TAFA1: variants seen among roughly 807,000 people sequenced by gnomAD.
TAFA1 encodes chemokine-like protein TAFA-1.
Under a neutral mutation model 18.5 loss-of-function variants are expected in TAFA1, and 4 were observed. That is an observed-to-expected ratio of 0.22 (90% CI 0.11 to 0.49). TAFA1 has a LOEUF of 0.49. Ranked by LOEUF, TAFA1 falls within the 20% of genes least tolerant of loss-of-function variation. The pLI, the probability that TAFA1 is intolerant of heterozygous loss-of-function variation, is 0.98. For synonymous variants in TAFA1, 56 were observed against 55.2 expected (o/e 1.01, Z -0.06); for missense variants, 147 against 169.0 (o/e 0.87, Z 0.72).
chr3:68,223,900 A>G (rs1435313315), intron 2 of TAFA1, among the ~76,000 whole-genome samples: 1 of 151,882 alleles, frequency 6.6e-6, no homozygotes, highest in African/African-American at 2.4e-5. Context: ...ATGCAATGCT[A>G]TACAGCCATG....
intron 2 of TAFA1, among the ~76,000 whole-genome samples, chr3:68,079,196 T>C (rs77392913): frequency 6.6e-6 from 1 of 152,224 alleles, no homozygotes; most frequent in African/African-American, 2.4e-5. Context: ...ATTTGATTCT[T>C]CTCTCTTTTT....
chr3:68,191,433 T>C (rs934543253), intron 2 of TAFA1, among the ~76,000 whole-genome samples: 6 of 151,832 alleles, frequency 4.0e-5, no homozygotes, highest in African/African-American at 1.2e-4. Context: ...ATTATCTTCA[T>C]AGGTAAACTG....
At chr3:68,142,791 T>C (rs1346118522) in intron 2 of TAFA1, among the ~76,000 whole-genome samples, 1 of 152,194 alleles carries the variant, frequency 6.6e-6, no homozygotes, top group East Asian at 1.9e-4. Context: ...AGGCAGCTCA[T>C]TTCCATGGAG....
intron 3 of TAFA1, among the ~76,000 whole-genome samples, chr3:68,499,448 T>A (rs111915118): frequency 1.4e-4 from 13 of 89,850 alleles, no homozygotes; most frequent in Non-Finnish European, 3.2e-4. Context: ...GTTCCTTTCT[T>A]TTTTTTTTTT....
intron 2 of TAFA1, among the ~76,000 whole-genome samples, chr3:68,245,957 T>A (rs2067069353): frequency 6.6e-6 from 1 of 152,130 alleles, no homozygotes; most frequent in Admixed American, 6.5e-5. Context: ...GACACAGGCA[T>A]AGGTAATAAA....
At chr3:68,254,135 A>ATGTATGTATGTATGTATGTG (rs2067250280) in intron 2 of TAFA1, among the ~76,000 whole-genome samples, 1 of 137,478 alleles carries the variant, frequency 7.3e-6, no homozygotes, top group African/African-American at 2.8e-5. Context: ...GTATGTATGT[A>ATGTATGTATGTATGTATGTG]TCTATCTATC....
chr3:68,015,298 T>TA, intron 2 of TAFA1, among the ~76,000 whole-genome samples: 1 of 151,658 alleles, frequency 6.6e-6, no homozygotes, highest in South Asian at 2.1e-4. Flanking sequence ...TTTCCTTTTT[T>TA]TTTTTGAGAC....
intron 3 of TAFA1, among the ~76,000 whole-genome samples, chr3:68,453,440 G>A (rs2071600867): frequency 6.6e-6 from 1 of 152,194 alleles, no homozygotes; most frequent in Admixed American, 6.5e-5. Flanking sequence ...AAGTCTGGAG[G>A]CTTCTGGATG....
At chr3:68,133,144 T>C (rs918251012) in intron 2 of TAFA1, among the ~76,000 whole-genome samples, 7 of 152,194 alleles carry the variant, frequency 4.6e-5, no homozygotes, top group African/African-American at 1.7e-4. Flanking sequence ...CCTTGCTTGT[T>C]TTTGTCAGGT....
At chr3:68,453,340 A>G (rs1057332588) in intron 3 of TAFA1, among the ~76,000 whole-genome samples, 3 of 152,176 alleles carry the variant, frequency 2.0e-5, no homozygotes, top group Admixed American at 1.3e-4. Context: ...CAAAATGACA[A>G]AAATGGTGCA....
chr3:68,102,728 T>A (rs956727687), intron 2 of TAFA1, among the ~76,000 whole-genome samples: 3 of 152,226 alleles, frequency 2.0e-5, no homozygotes, highest in Non-Finnish European at 4.4e-5. Flanking sequence ...GGAGGCAAGT[T>A]ATATAACCTC....
intron 2 of TAFA1, among the ~76,000 whole-genome samples, chr3:68,077,005 T>C (rs1297474214): frequency 6.6e-6 from 1 of 152,158 alleles, no homozygotes; most frequent in Non-Finnish European, 1.5e-5. Flanking sequence ...CCATTCTCAC[T>C]GGTGTGAGAT....
At position 68,061,343 on chromosome 3, in the gene TAFA1, A is replaced by G. The variant is rs189358486; in HGVS notation, c.118+54599A>G. 5.0e-3 allele frequency among the ~76,000 whole-genome samples: 756 copies of G among 152,282 alleles called. 4 individuals are homozygous for G. Among genetic ancestry groups the G allele is most frequent in the Non-Finnish European group, 4.3e-3 (295 of 68,034 alleles). ...TTGATAAATTTCTCTGTTTGTATAAACTTCCCATTTCAGGAATTCTACATG... is the reference window on the plus strand; with the variant it reads ...TTGATAAATTTCTCTGTTTGTATAAGCTTCCCATTTCAGGAATTCTACATG... On this transcript the variant is annotated intron_variant, in intron 2 of 4. Coordinates refer to ENST00000478136, the MANE Select transcript of TAFA1 (RefSeq NM_213609.4).
intron 3 of TAFA1, among the ~76,000 whole-genome samples, chr3:68,533,254 C>A (rs2073217403): frequency 6.6e-6 from 1 of 152,000 alleles, no homozygotes; most frequent in South Asian, 2.1e-4. Flanking sequence ...AGAGGCCTCA[C>A]AATCATGGCA....
chr3:68,528,407 T>C (rs1391820218), intron 3 of TAFA1, among the ~76,000 whole-genome samples: 1 of 152,208 alleles, frequency 6.6e-6, no homozygotes, highest in Non-Finnish European at 1.5e-5. Context: ...ATACATAATG[T>C]CTCAAAATTG....
intron 2 of TAFA1, among the ~76,000 whole-genome samples, chr3:68,416,137 C>T (rs2070832950): frequency 6.6e-6 from 1 of 152,122 alleles, no homozygotes; most frequent in African/African-American, 2.4e-5. Context: ...GGGGAGGGAG[C>T]AACATCACAC....
chr3:68,251,642 C>T (rs2067198152), intron 2 of TAFA1, among the ~76,000 whole-genome samples: 1 of 152,098 alleles, frequency 6.6e-6, no homozygotes, highest in African/African-American at 2.4e-5. Flanking sequence ...ATGTTGTGAG[C>T]TCAGGGGGAA....
chr3:68,329,109 G>T (rs2068821002), intron 2 of TAFA1, among the ~76,000 whole-genome samples: 1 of 147,368 alleles, frequency 6.8e-6, no homozygotes, highest in Non-Finnish European at 1.5e-5. Context: ...TTTTGGGACA[G>T]AGTCTCACTC....
chr3:68,490,944 T>G (rs917221259), intron 3 of TAFA1, among the ~76,000 whole-genome samples: 1 of 151,722 alleles, frequency 6.6e-6, no homozygotes, highest in African/African-American at 2.4e-5. Flanking sequence ...GCTCAAGCAA[T>G]CCTCCCACCT....
Sources: gnomAD v4.1 joint callset for allele counts (sites outside exome capture counted in the v4.1 genomes callset) on GRCh38, gnomAD v4.1.1 for gene constraint, MANE v1.5 for transcripts, NCBI Gene and HGNC (gene_info 2026-07-23, HGNC 2026-07-21) for gene names.